The following SORCS1 variants were observed in gnomAD, a reference collection of about 807,000 sequenced individuals.
The protein encoded by SORCS1 is sortilin related VPS10 domain containing receptor 1.
Under a neutral mutation model 146.1 loss-of-function variants are expected in SORCS1, and 60 were observed. The ratio of observed to expected loss-of-function variants is 0.41; its 90% CI spans 0.33 to 0.51. The LOEUF is 0.51. Among genes scored for constraint, SORCS1 ranks in the 20% least tolerant of loss-of-function variants. SORCS1 has a pLI of 0.21. For synonymous variants in SORCS1, 637 were observed against 584.0 expected (o/e 1.09, Z -1.31); for missense variants, 1,352 against 1,487.6 (o/e 0.91, Z 1.50).
chr10:106,705,357 G>T lies in SORCS1; in HGVS notation c.1233+1188C>A, dbSNP rs1365070757. Among the ~76,000 whole-genome samples the T allele has an allele frequency of 2.6e-5, 4 of 152,166 alleles. No homozygotes were observed. The East Asian group carries it at 7.7e-4, about 29-fold the overall frequency. On this transcript the variant is annotated intron_variant, in intron 8 of 25. Transcript: ENST00000263054. ...AGGGAAGGGTGGTAGCCAAGAAAGAGAATTCATCCTGGAGAAACCAGAACA... is the reference window on the plus strand; with the variant it reads ...AGGGAAGGGTGGTAGCCAAGAAAGATAATTCATCCTGGAGAAACCAGAACA...
At chr10:107,126,888 T>C (rs139402165) in intron 1 of SORCS1, among the ~76,000 whole-genome samples, 106 of 151,926 alleles carry the variant, frequency 7.0e-4, no homozygotes, top group African/African-American at 2.5e-3. Context: ...AACTAATGAG[T>C]AAATTGGGAG....
chr10:106,949,190 A>G (rs1589769714), intron 2 of SORCS1, among the ~76,000 whole-genome samples: 1 of 152,198 alleles, frequency 6.6e-6, no homozygotes, highest in Non-Finnish European at 1.5e-5. Flanking sequence ...TCTGTGTGAC[A>G]TGAAGGATTC....
At chr10:107,178,847 A>G in the SORCS1 span, among the ~76,000 whole-genome samples, 1 of 152,118 alleles carries the variant, frequency 6.6e-6, no homozygotes, top group Non-Finnish European at 1.5e-5. Context: ...CCACATTAAA[A>G]AAAATCCATT....
chr10:106,820,075 A>C (rs1223160720), intron 3 of SORCS1, among the ~76,000 whole-genome samples: 1 of 152,024 alleles, frequency 6.6e-6, no homozygotes, highest in Non-Finnish European at 1.5e-5. Flanking sequence ...TGTGCATTCC[A>C]GATATTTTCT....
chr10:106,733,879 A>G (rs1856777732), intron 5 of SORCS1, among the ~76,000 whole-genome samples: 1 of 152,192 alleles, frequency 6.6e-6, no homozygotes, highest in Admixed American at 6.5e-5. Flanking sequence ...ATAGTTCATA[A>G]TGATTTGCTA....
At chr10:106,952,547 T>TTATATTATATTA (rs1954736233) in intron 2 of SORCS1, among the ~76,000 whole-genome samples, 1 of 124,086 alleles carries the variant, frequency 8.1e-6, no homozygotes, top group Non-Finnish European at 1.5e-5. Context: ...ACATTATATA[T>TTATATTATATTA]TATATTATAT....
chr10:106,941,594 T>G (rs932147272), intron 2 of SORCS1, among the ~76,000 whole-genome samples: 1 of 152,166 alleles, frequency 6.6e-6, no homozygotes, highest in Non-Finnish European at 1.5e-5. Context: ...TTATTGAGAA[T>G]TTTAGTAAGT....
At chr10:106,805,471 A>G (rs1947116684) in intron 3 of SORCS1, among the ~76,000 whole-genome samples, 1 of 152,176 alleles carries the variant, frequency 6.6e-6, no homozygotes. Context: ...GAACTACAAT[A>G]TGTTAAGTAG....
chr10:106,760,693 A>T (rs1859027382), intron 5 of SORCS1, among the ~76,000 whole-genome samples: 1 of 133,782 alleles, frequency 7.5e-6, no homozygotes, highest in Non-Finnish European at 1.6e-5. Flanking sequence ...ACATACACAC[A>T]AACACACACA....
At chr10:106,590,083 G>T (rs1043575552) in intron 24 of SORCS1, among the ~76,000 whole-genome samples, 2 of 151,956 alleles carry the variant, frequency 1.3e-5, no homozygotes, top group Admixed American at 6.5e-5. Flanking sequence ...ATATTTGAGG[G>T]TATATATCTA....
chr10:106,943,539 G>A (rs534716887), intron 2 of SORCS1, among the ~76,000 whole-genome samples: 7 of 152,196 alleles, frequency 4.6e-5, no homozygotes, highest in Middle Eastern at 3.4e-3. Context: ...CAGGTGCAGT[G>A]GCTCACACCT....
chr10:106,592,336 T>TG (rs1175608963), intron 24 of SORCS1, among the ~76,000 whole-genome samples: 2 of 152,084 alleles, frequency 1.3e-5, no homozygotes, highest in Non-Finnish European at 2.9e-5. Context: ...TGTTGGTGGG[T>TG]GGGGGGCAGA....
intron 2 of SORCS1, among the ~76,000 whole-genome samples, chr10:106,928,475 C>T (rs1033304394): frequency 1.3e-5 from 2 of 152,250 alleles, no homozygotes; most frequent in African/African-American, 2.4e-5. Context: ...TCACGCCTCT[C>T]CCTCCACACC....
intron 18 of SORCS1, among the ~76,000 whole-genome samples, chr10:106,645,162 G>A (rs1308190451): frequency 1.6e-5 from 2 of 123,850 alleles, no homozygotes; most frequent in African/African-American, 6.1e-5. Context: ...TTGAGAGGGT[G>A]TCTTATTATT....
intron 1 of SORCS1, among the ~76,000 whole-genome samples, chr10:107,111,379 A>G (rs1965689965): frequency 1.3e-5 from 2 of 152,224 alleles, no homozygotes; most frequent in Admixed American, 1.3e-4. Context: ...ACCATAATAA[A>G]GAATCAAACA....
chr10:106,666,347 C>T (rs560620355), intron 17 of SORCS1, among the ~76,000 whole-genome samples: 4 of 152,236 alleles, frequency 2.6e-5, no homozygotes, highest in South Asian at 2.1e-4. Context: ...GGTCTTGAAC[C>T]GAAAGATAGG....
chr10:106,864,319 A>C (rs1950145729), intron 2 of SORCS1, among the ~76,000 whole-genome samples: 1 of 152,140 alleles, frequency 6.6e-6, no homozygotes, highest in Non-Finnish European at 1.5e-5. Context: ...TCCCCCGCCC[A>C]GGGAAGCAGC....
rs184883501 is a variant in SORCS1 at position 106,597,181 on chromosome 10, G to C, written c.3265+170C>G. 1.4e-4 allele frequency among the ~76,000 whole-genome samples: 21 copies of C among 152,218 alleles called. No homozygotes were observed. The East Asian group carries it at 3.7e-3, about 27-fold the overall frequency. On this transcript the variant is annotated intron_variant, in intron 24 of 25. Coordinates refer to ENST00000263054, the MANE Select transcript of SORCS1 (RefSeq NM_052918.5). ...GTGTCACCTTTTTCTGTTGTTTAAC[G>C]GTTCTCCATTAAGGCAGAAACACCA... is the stretch of plus-strand genomic sequence containing the variant.
At chr10:106,642,208 T>C (rs943362541) in intron 18 of SORCS1, among the ~76,000 whole-genome samples, 4 of 152,226 alleles carry the variant, frequency 2.6e-5, no homozygotes, top group East Asian at 1.9e-4. Flanking sequence ...GACAAGACTG[T>C]AGGAGAAAGT....
Sources: gnomAD v4.1 joint callset for allele counts (sites outside exome capture counted in the v4.1 genomes callset) on GRCh38, gnomAD v4.1.1 for gene constraint, MANE v1.5 for transcripts, NCBI Gene and HGNC (gene_info 2026-07-23, HGNC 2026-07-21) for gene names.